FAM81B: variants seen among roughly 807,000 people sequenced by gnomAD.
FAM81B encodes the protein protein FAM81B.
In FAM81B, 60 loss-of-function variants were observed where a neutral mutation model predicts 58.7. The ratio of observed to expected loss-of-function variants is 1.02; its 90% CI spans 0.83 to 1.27. The LOEUF is 1.27. Among genes scored for constraint, FAM81B ranks in the 50% most tolerant of loss-of-function variants. The pLI is 0.00. For synonymous variants in FAM81B, 189 were observed against 179.6 expected (o/e 1.05, Z -0.42); for missense variants, 491 against 522.0 (o/e 0.94, Z 0.58).
chr5:95,425,209 G>C (rs1338909046), intron 5 of FAM81B, among the ~76,000 whole-genome samples: 1 of 151,200 alleles, frequency 6.6e-6, no homozygotes, highest in Non-Finnish European at 1.5e-5. Flanking sequence ...AGAGAAGAAA[G>C]TGTTCTTGAA....
intron 7 of FAM81B, among the ~76,000 whole-genome samples, chr5:95,438,205 CAT>C (rs1297697606): frequency 6.6e-6 from 1 of 152,166 alleles, no homozygotes. Flanking sequence ...TCATGTTCTT[CAT>C]AGTCTAAGAA....
At chr5:95,434,726 C>T (rs1745033988) in intron 6 of FAM81B, among the ~76,000 whole-genome samples, 1 of 152,172 alleles carries the variant, frequency 6.6e-6, no homozygotes. Context: ...GATTCACTTA[C>T]ATTGCCTTAT....
intron 2 of FAM81B, among the ~76,000 whole-genome samples, chr5:95,395,514 C>T (rs1761944301): frequency 1.3e-5 from 2 of 150,876 alleles, no homozygotes; most frequent in South Asian, 4.2e-4. Context: ...TGGGTATCTT[C>T]TTTCCTGTCA....
In FAM81B at chr5:95,450,235, G is replaced by C; in HGVS notation, c.1312G>C (p.Asp438His). 3 of 1,613,104 alleles carry C rather than the reference G, an allele frequency of 1.9e-6. No homozygotes were observed. The highest frequency in any genetic ancestry group is 2.5e-6 in the Non-Finnish European group (3 of 1,179,562). The change falls in exon 10 of 10, where the codon GAC (aspartate) becomes CAC (histidine). Residue 438 changes from aspartate (D) to histidine (H), a missense_variant. By Grantham distance (81) the Asp-to-His change is moderately conservative. Transcript: ENST00000283357. ...TTTAGAGAAATATAAAGTACAGAAA[G>C]ACCTAAAGAAATTACAGCGCAAGAT... is the stretch of plus-strand genomic sequence containing the variant. Reference protein sequence around the residue: ...MDLEKYKVQKDLKKLQRKIVE... With the variant: ...MDLEKYKVQKHLKKLQRKIVE...
In FAM81B at chr5:95,446,708, C is replaced by T; in HGVS notation, c.1029+11C>T. On this transcript the variant is annotated intron_variant, in intron 8 of 9. Coordinates refer to ENST00000283357, the MANE Select transcript of FAM81B (RefSeq NM_152548.3). ...CTACAGGAGAAACTGGTGAGGAGTT[C>T]TGTTATTTTGTGAAGCAAGCACCTG... 1.2e-6 allele frequency: 2 copies of T among 1,609,660 alleles called. No homozygotes were observed. The highest frequency in any genetic ancestry group is 2.2e-5 in the South Asian group (2 of 89,634).
chr5:95,441,914 T>G (rs62365049), intron 7 of FAM81B, among the ~76,000 whole-genome samples: 5,403 of 152,264 alleles, frequency 0.035, 138 homozygotes, highest in Non-Finnish European at 0.048. Context: ...TTAACAAGGG[T>G]TTGGCAGGGG....
At chr5:95,406,188 C>G (rs1317433032) in intron 3 of FAM81B, 1 of 154,352 alleles carries the variant, frequency 6.5e-6, no homozygotes, top group Non-Finnish European at 1.5e-5. Flanking sequence ...GCCCAGGGAA[C>G]AGACTCTGAG....
intron 2 of FAM81B, among the ~76,000 whole-genome samples, chr5:95,395,442 CAAAA>C (rs70978184): frequency 9.7e-6 from 1 of 103,102 alleles, no homozygotes; most frequent in African/African-American, 3.8e-5. Flanking sequence ...GACCCCGTCT[CAAAA>C]AAAAAAAAAA....
At chr5:95,443,735 CA>C (rs1411440909) in intron 7 of FAM81B, among the ~76,000 whole-genome samples, 1 of 152,204 alleles carries the variant, frequency 6.6e-6, no homozygotes, top group Non-Finnish European at 1.5e-5. Context: ...AAACTACCAA[CA>C]GAATCCAACT....
Position 95,420,307 on chromosome 5 carries a change from T to C in FAM81B, c.561T>C (p.Ala187=). The C allele has an allele frequency of 6.2e-7, 1 of 1,613,674 alleles. No homozygotes were observed. The highest frequency in any genetic ancestry group is 8.5e-7 in the Non-Finnish European group (1 of 1,179,760). Reference sequence around the variant, plus strand: ...AGATTTTAGAAGACCAAATAAGAGCTCGAGATCAGGCGGCCACAGGAACTA... The same window carrying C: ...AGATTTTAGAAGACCAAATAAGAGCCCGAGATCAGGCGGCCACAGGAACTA... ...NIEILEDQIR[A]RDQAATGTNF... The change falls in exon 5 of 10, where the codon GCT becomes GCC. Residue 187 remains alanine (A), a synonymous_variant. Coordinates refer to ENST00000283357, the MANE Select transcript of FAM81B (RefSeq NM_152548.3).
chr5:95,427,708 CAA>C (rs1762885579), intron 5 of FAM81B, among the ~76,000 whole-genome samples: 2 of 152,076 alleles, frequency 1.3e-5, no homozygotes, highest in Admixed American at 1.3e-4. Flanking sequence ...ATAAAAGTGA[CAA>C]ATATCAAAAT....
At position 95,448,453 on chromosome 5, in the gene FAM81B, A is replaced by C. The variant is rs1745669880; in HGVS notation, c.1214A>C (p.Glu405Ala). 1.2e-6 allele frequency: 2 copies of C among 1,604,752 alleles called. No homozygotes were observed. The highest frequency in any genetic ancestry group is 2.7e-5 in the African/African-American group (2 of 74,300). Reference protein sequence around the residue: ...IWGELETMQNEYQSGFKSIHD... With the variant: ...IWGELETMQNAYQSGFKSIHD... ...GGTGAATTAGAGACAATGCAGAATG[A>C]ATATCAATCAGGTGAGCAGATACCT... Residue 405 changes from glutamate (E) to alanine (A), a missense_variant, in exon 9 of 10, where the codon GAA becomes GCA. By Grantham distance (107) the Glu-to-Ala change is moderately radical (BLOSUM62 -1). Coordinates refer to ENST00000283357, the MANE Select transcript of FAM81B (RefSeq NM_152548.3).
At chr5:95,406,133 A>G (rs253715) in intron 3 of FAM81B, 119,757 of 154,256 alleles carry the variant, frequency 0.78, 46,669 homozygotes, top group Middle Eastern at 0.85. Context: ...CTCCCAAGCT[A>G]TCTCTTGTCC....
intron 7 of FAM81B, chr5:95,440,791 TC>T: frequency 3.6e-6 from 1 of 281,674 alleles, no homozygotes. Context: ...CGGGGAGGAA[TC>T]CCAGAAAAGT....
At chr5:95,437,385 G>A (rs549827408) in intron 7 of FAM81B, among the ~76,000 whole-genome samples, 25 of 151,808 alleles carry the variant, frequency 1.6e-4, no homozygotes, top group Non-Finnish European at 3.1e-4. Context: ...TCGCTCTGTC[G>A]CCCAGGCTGG....
Position 95,440,622 on chromosome 5 carries a change from A to G in FAM81B, c.893+3716A>G. 4 of 765,070 alleles carry G rather than the reference A, an allele frequency of 5.2e-6. No individual in the cohort carries two copies. In the South Asian group the frequency reaches 6.2e-5, roughly 12 times the overall value. 47.4% of individuals were successfully genotyped at this position (765,070 alleles called of 1,614,324 possible). Reference sequence around the variant, plus strand: ...GCTACAGACAAAAATTAATGAAGCCATAGTAGCTGTTCAGACAATTATTAC... The same window carrying G: ...GCTACAGACAAAAATTAATGAAGCCGTAGTAGCTGTTCAGACAATTATTAC... On this transcript the variant is annotated intron_variant, in intron 7 of 9. Transcript: ENST00000283357.
chr5:95,428,535 G>A (rs1303996550), intron 5 of FAM81B, 68 bp from the exon 6 acceptor site: 18 of 1,571,494 alleles, frequency 1.1e-5, no homozygotes, highest in Non-Finnish European at 1.6e-5. Context: ...TGAATGTGCA[G>A]GTGTCTACTA....
chr5:95,438,586 T>G (rs1745193013), intron 7 of FAM81B, among the ~76,000 whole-genome samples: 3 of 152,172 alleles, frequency 2.0e-5, no homozygotes, highest in African/African-American at 7.2e-5. Flanking sequence ...GACACTTTTA[T>G]AACAGTGTAA....
intron 7 of FAM81B, among the ~76,000 whole-genome samples, chr5:95,445,691 T>TA (rs911910505): frequency 1.5e-4 from 23 of 149,120 alleles, no homozygotes; most frequent in South Asian, 4.2e-4. Flanking sequence ...AAATGCCCCC[T>TA]AAAAAAAAAA....
Sources: gnomAD v4.1 joint callset for allele counts (sites outside exome capture counted in the v4.1 genomes callset) on GRCh38, gnomAD v4.1.1 for gene constraint, MANE v1.5 for transcripts, NCBI Gene and HGNC (gene_info 2026-07-23, HGNC 2026-07-21) for gene names.